Variants in ZNF536 observed in about 807,000 individuals in gnomAD.
ZNF536 encodes zinc finger protein 536.
ZNF536 carries 13 observed loss-of-function variants against 84.5 expected under a neutral mutation model. That is an observed-to-expected ratio of 0.15 (90% CI 0.10 to 0.24). The LOEUF is 0.24. Among genes scored for constraint, ZNF536 ranks in the 10% least tolerant of loss-of-function variants. The pLI is 1.00. For synonymous variants in ZNF536, 811 were observed against 742.5 expected (o/e 1.09, Z -1.50); for missense variants, 1,536 against 1,747.5 (o/e 0.88, Z 2.16).
intron 1 of ZNF536, among the ~76,000 whole-genome samples, chr19:30,377,572 C>G (rs1448638464): frequency 6.6e-6 from 1 of 151,996 alleles, no homozygotes; most frequent in Non-Finnish European, 1.5e-5. Context: ...ATGAGTCCAC[C>G]CTAGGTCCAA....
At chr19:30,287,663 T>C (rs2045690724) in intron 2 of ZNF536, among the ~76,000 whole-genome samples, 2 of 82,604 alleles carry the variant, frequency 2.4e-5, no homozygotes, top group African/African-American at 8.7e-5. Context: ...GGTGGATGGA[T>C]GGGTGGGTGG....
chr19:30,316,965 C>T lies in ZNF536; in HGVS notation c.-120+32824C>T, dbSNP rs545460804. Among the ~76,000 whole-genome samples, 8 of 152,290 alleles carry T rather than the reference C, an allele frequency of 5.3e-5. No individual in the cohort carries two copies. The South Asian group carries it at 1.2e-3, about 24-fold the overall frequency. On this transcript the variant is annotated intron_variant, in intron 2 of 5. Coordinates refer to the ZNF536 transcript ENST00000585628. ...TAGGGACATGGGGAGGGGGACACAG[C>T]TTGCAGGACAGCAGAGTATGGGCAC...
At chr19:30,396,548 TC>T (rs987588621) in intron 1 of ZNF536, among the ~76,000 whole-genome samples, 30 of 151,730 alleles carry the variant, frequency 2.0e-4, no homozygotes, top group African/African-American at 6.8e-4. Flanking sequence ...GGAGGAGCTT[TC>T]TACAGATGTG....
chr19:30,297,905 C>T (rs868534177), intron 2 of ZNF536, among the ~76,000 whole-genome samples: 1 of 84,894 alleles, frequency 1.2e-5, no homozygotes, highest in Admixed American at 1.2e-4. Flanking sequence ...AGACGGAGTC[C>T]CCCCCCCCTC....
intron 1 of ZNF536, among the ~76,000 whole-genome samples, chr19:30,572,558 A>G (rs780523802): frequency 1.8e-4 from 28 of 152,218 alleles, no homozygotes; most frequent in Non-Finnish European, 2.8e-4. Flanking sequence ...TGATTCCATC[A>G]TGGGGAAGGT....
At chr19:30,506,421 T>C (rs2055176077) in intron 2 of ZNF536, among the ~76,000 whole-genome samples, 1 of 152,218 alleles carries the variant, frequency 6.6e-6, no homozygotes, top group East Asian at 1.9e-4. Context: ...TCCTTCTTGG[T>C]GTGGTAGTAA....
rs1240886611 is a variant in ZNF536 at position 30,443,757 on chromosome 19, G to C, written c.195G>C (p.Glu65Asp). The C allele has an allele frequency of 5.0e-6, 8 of 1,613,086 alleles. No individual in the cohort carries two copies. In the South Asian group the frequency reaches 7.7e-5, roughly 16 times the overall value. ...NPEEKPPASL[E>D]EKAHVPMSGQ... ...AGGAGAAGCCCCCCGCATCCCTGGA[G>C]GAGAAGGCCCACGTGCCCATGAGCG... Residue 65 changes from glutamate (E) to aspartate (D), a missense_variant, in exon 2 of 5, where the codon GAG becomes GAC. Glu to Asp is a conservative substitution (Grantham distance 45, BLOSUM62 2). This residue lies in a region of ZNF536 where 161 missense variants were observed against 178.5 expected (regional missense o/e 0.90). Transcript: ENST00000355537.
At chr19:30,469,706 G>A (rs1198960689) in intron 2 of ZNF536, among the ~76,000 whole-genome samples, 1 of 152,138 alleles carries the variant, frequency 6.6e-6, no homozygotes, top group Admixed American at 6.5e-5. Context: ...GCTCCTCTGG[G>A]GACGCTCAGC....
At chr19:30,308,472 C>A (rs1293941464) in intron 2 of ZNF536, among the ~76,000 whole-genome samples, 8 of 152,038 alleles carry the variant, frequency 5.3e-5, no homozygotes. Context: ...AAAGGACTTG[C>A]AAAGCTGGCA....
intron 1 of ZNF536, among the ~76,000 whole-genome samples, chr19:30,262,713 G>A (rs867083360): frequency 1.3e-5 from 2 of 152,086 alleles, no homozygotes; most frequent in East Asian, 3.9e-4. Context: ...CAACAGTGTC[G>A]CCTCCCTGCA....
At chr19:30,502,581 A>T (rs1378330871) in intron 2 of ZNF536, among the ~76,000 whole-genome samples, 1 of 152,176 alleles carries the variant, frequency 6.6e-6, no homozygotes, top group East Asian at 1.9e-4. Flanking sequence ...GGGACTTATC[A>T]TCGTCTCATC....
At chr19:30,423,135 A>ATGCATCCG (rs1303524823) in intron 1 of ZNF536, among the ~76,000 whole-genome samples, 3 of 136,750 alleles carry the variant, frequency 2.2e-5, no homozygotes, top group Non-Finnish European at 4.6e-5. Context: ...CCATCCATCC[A>ATGCATCCG]TCCATCCATC....
intron 2 of ZNF536, among the ~76,000 whole-genome samples, chr19:30,478,528 A>G (rs1042718775): frequency 1.3e-5 from 2 of 152,192 alleles, no homozygotes; most frequent in African/African-American, 4.8e-5. Flanking sequence ...CTGTACACAT[A>G]AACTGCTGGA....
rs2146216669 is a variant in ZNF536, at chr19:30,548,767, A to G, written c.3148A>G (p.Lys1050Glu). ...NCKDQAREAS[K>E]MALLPSLQSN... ...CAAAGACCAAGCCCGGGAGGCGAGT[A>G]AGATGGCCCTGCTGCCCTCGTTACA... is the stretch of plus-strand genomic sequence containing the variant. The change falls in exon 4 of 5, where the codon AAG (lysine) becomes GAG (glutamate). Residue 1050 changes from lysine (K) to glutamate (E), a missense_variant. Physicochemically the swap from Lys to Glu is moderately conservative, Grantham distance 56. This residue lies in a region of ZNF536 where 624 missense variants were observed against 603.1 expected (regional missense o/e 1.03). Transcript: ENST00000355537. The G allele has an allele frequency of 6.2e-7, 1 of 1,613,928 alleles. No homozygotes were observed. Among genetic ancestry groups the G allele is most frequent in the African/African-American group, 1.3e-5 (1 of 75,040 alleles).
At chr19:30,264,926 T>C (rs565155309) in intron 1 of ZNF536, among the ~76,000 whole-genome samples, 10 of 145,362 alleles carry the variant, frequency 6.9e-5, no homozygotes, top group Non-Finnish European at 1.5e-4. Context: ...GCTCTGTCAA[T>C]AGTCGTGTGT....
chr19:30,517,007 T>G (rs981490898), intron 2 of ZNF536, among the ~76,000 whole-genome samples: 17 of 152,250 alleles, frequency 1.1e-4, no homozygotes, highest in African/African-American at 4.1e-4. Flanking sequence ...CACCGAGTCC[T>G]GGGACGTGAT....
chr19:30,480,426 T>G (rs914017163), intron 2 of ZNF536, among the ~76,000 whole-genome samples: 3 of 152,150 alleles, frequency 2.0e-5, no homozygotes, highest in Non-Finnish European at 4.4e-5. Flanking sequence ...TTTACCATCA[T>G]TCTCAGCAAA....
At chr19:30,465,323 G>A (rs2053336923) in intron 2 of ZNF536, among the ~76,000 whole-genome samples, 1 of 152,094 alleles carries the variant, frequency 6.6e-6, no homozygotes. Flanking sequence ...GCCTTTCCAG[G>A]GACCTTAGTA....
In ZNF536 at chr19:30,638,241, G is replaced by A. The variant is rs967690758; in HGVS notation, c.170-72516G>A. On this transcript the variant is annotated intron_variant, in intron 1 of 1. Coordinates refer to the ZNF536 transcript ENST00000592773. ...TTTTAGCATGTCTCTTCCATCAGTCGTAAGGACTTTTAAGGTCTTAACATC... is the reference window on the plus strand; with the variant it reads ...TTTTAGCATGTCTCTTCCATCAGTCATAAGGACTTTTAAGGTCTTAACATC... Among the ~76,000 whole-genome samples the A allele has an allele frequency of 2.6e-5, 4 of 152,322 alleles. No individual in the cohort carries two copies. The South Asian group carries it at 6.2e-4, about 24-fold the overall frequency.
Sources: allele counts gnomAD v4.1 joint callset (sites outside exome capture counted in the v4.1 genomes callset), GRCh38; gene constraint gnomAD v4.1.1; regional missense constraint gnomAD v4.1.1; transcripts MANE v1.5; gene names NCBI Gene and HGNC (gene_info 2026-07-23, HGNC 2026-07-21).